Variants in ILRUN observed in about 807,000 individuals in gnomAD.
ILRUN encodes the protein protein ILRUN.
A neutral mutation model predicts 33.8 loss-of-function variants in ILRUN; 3 were observed. The ratio of observed to expected loss-of-function variants is 0.09; its 90% CI spans 0.04 to 0.23. The LOEUF (loss-of-function observed/expected upper bound fraction) is 0.23. Among genes scored for constraint, ILRUN ranks in the 10% least tolerant of loss-of-function variants. ILRUN has a pLI of 1.00. For synonymous variants in ILRUN, 124 were observed against 138.9 expected, an observed-to-expected ratio of 0.89 and a Z score of 0.75; for missense variants, 210 against 375.1, an observed-to-expected ratio of 0.56 and a Z score of 3.64.
intron 1 of ILRUN, among the ~76,000 whole-genome samples, chr6:34,680,549 C>T (rs1031472238): frequency 6.6e-6 from 1 of 152,122 alleles, no homozygotes; most frequent in Non-Finnish European, 1.5e-5. Flanking sequence ...ACTGAAACCT[C>T]TGCCTCCTAG....
chr6:34,656,391 T>A (rs1744399882), intron 1 of ILRUN, among the ~76,000 whole-genome samples: 1 of 152,172 alleles, frequency 6.6e-6, no homozygotes, highest in Non-Finnish European at 1.5e-5. Flanking sequence ...CAGAAGCGCG[T>A]GATTGTCAGC....
intron 2 of ILRUN, among the ~76,000 whole-genome samples, chr6:34,653,438 C>G (rs1326480217): frequency 6.6e-6 from 1 of 152,040 alleles, no homozygotes; most frequent in Non-Finnish European, 1.5e-5. Context: ...GTTGGCCCAA[C>G]TGGTCTCCAA....
At chr6:34,649,512 T>C (rs559582934) in intron 2 of ILRUN, among the ~76,000 whole-genome samples, 2 of 152,102 alleles carry the variant, frequency 1.3e-5, no homozygotes, top group African/African-American at 4.8e-5. Context: ...TCTCCAGATA[T>C]GAAATATCAC....
intron 2 of ILRUN, among the ~76,000 whole-genome samples, chr6:34,653,385 C>G (rs1282760761): frequency 1.3e-5 from 2 of 151,866 alleles, no homozygotes; most frequent in African/African-American, 4.8e-5. Flanking sequence ...TGCCCAACAC[C>G]ATACCCGGTT....
At chr6:34,594,524 T>C (rs1156924861) in intron 4 of ILRUN, among the ~76,000 whole-genome samples, 8 of 152,214 alleles carry the variant, frequency 5.3e-5, no homozygotes, top group African/African-American at 4.8e-5. Context: ...AAAGGCTACA[T>C]TGAACAGCCC....
chr6:34,679,951 A>T (rs1200709547), intron 1 of ILRUN, among the ~76,000 whole-genome samples: 1 of 152,262 alleles, frequency 6.6e-6, no homozygotes, highest in Non-Finnish European at 1.5e-5. Context: ...GAAACTTCAG[A>T]GGGATCATGG....
chr6:34,601,313 GTGTTCTCAC>G (rs1363413171), intron 4 of ILRUN, among the ~76,000 whole-genome samples: 1 of 152,232 alleles, frequency 6.6e-6, no homozygotes, highest in Non-Finnish European at 1.5e-5. Flanking sequence ...TGAGAATAGT[GTGTTCTCAC>G]TACCTGTTCC....
intron 1 of ILRUN, among the ~76,000 whole-genome samples, chr6:34,679,890 T>C (rs1054123358): frequency 4.6e-5 from 7 of 152,156 alleles, no homozygotes; most frequent in Non-Finnish European, 1.0e-4. Context: ...AGGCCAAAGA[T>C]TGGAAGGAGC....
intron 1 of ILRUN, among the ~76,000 whole-genome samples, chr6:34,667,908 T>TA (rs1252845066): frequency 3.3e-5 from 5 of 152,032 alleles, no homozygotes; most frequent in African/African-American, 1.2e-4. Flanking sequence ...GATCCTGCAT[T>TA]AAAAAAAGGA....
intron 3 of ILRUN, among the ~76,000 whole-genome samples, chr6:34,638,588 C>T (rs1217856112): frequency 6.6e-6 from 1 of 151,942 alleles, no homozygotes; most frequent in East Asian, 1.9e-4. Flanking sequence ...GCCTGTGGTC[C>T]CAGCTACTTG....
Position 34,588,089 on chromosome 6 carries a change from A to G in ILRUN, c.*2476T>C. ...ACCCATACCAGTGAGGGGAGAGAGAATGAATGATACTGATACCCTCCCTGG... is the reference window on the plus strand; with the variant it reads ...ACCCATACCAGTGAGGGGAGAGAGAGTGAATGATACTGATACCCTCCCTGG... On this transcript the variant is annotated 3_prime_UTR_variant, in exon 5 of 5. Coordinates refer to ENST00000374023, the MANE Select transcript of ILRUN (RefSeq NM_024294.4). 1 of 398,748 alleles carries G rather than the reference A, an allele frequency of 2.5e-6. No homozygotes were observed. The highest frequency in any genetic ancestry group is 4.4e-6 in the Non-Finnish European group (1 of 226,140). The allele number at this position is 398,748 out of a possible 1,614,324, so 24.7% of individuals were successfully genotyped here. A position where few individuals can be genotyped will look rare whatever the true frequency, so the allele number is the denominator to read the frequency against.
intron 3 of ILRUN, among the ~76,000 whole-genome samples, chr6:34,635,544 A>AAAGGAAGGAAGG (rs571458905): frequency 8.3e-6 from 1 of 120,078 alleles, no homozygotes; most frequent in African/African-American, 3.4e-5. Context: ...AAAAAGAAAG[A>AAAGGAAGGAAGG]AAGGAAGGAA....
chr6:34,610,617 A>G (rs1341358823), intron 3 of ILRUN, among the ~76,000 whole-genome samples: 1 of 152,262 alleles, frequency 6.6e-6, no homozygotes, highest in Non-Finnish European at 1.5e-5. Flanking sequence ...ATGAACTGAT[A>G]TAATGCAAAT....
At chr6:34,651,426 T>C (rs1473839087) in intron 2 of ILRUN, among the ~76,000 whole-genome samples, 1 of 152,070 alleles carries the variant, frequency 6.6e-6, no homozygotes, top group Non-Finnish European at 1.5e-5. Context: ...TTGGGGGTTC[T>C]GATTTGACAG....
Position 34,657,170 on chromosome 6 carries a change from T to C in ILRUN, c.159-2391A>G, listed in dbSNP as rs75041320. ...AAACATTTTGGAAAAGCTGTATGTC[T>C]ACCGTTTTGAAAACAGAATTTTTTT... On this transcript the variant is annotated intron_variant, in intron 1 of 4. Coordinates refer to ENST00000374023, the MANE Select transcript of ILRUN (RefSeq NM_024294.4). 5.3e-5 allele frequency among the ~76,000 whole-genome samples: 8 copies of C among 152,372 alleles called. No homozygotes were observed. The East Asian group carries it at 1.5e-3, about 29-fold the overall frequency.
At chr6:34,658,328 A>G (rs191294925) in intron 1 of ILRUN, among the ~76,000 whole-genome samples, 97 of 150,258 alleles carry the variant, frequency 6.5e-4, no homozygotes, top group Middle Eastern at 3.4e-3. Flanking sequence ...GACCTAGGCA[A>G]CAAAGTGAGA....
rs1763786837 is a variant in ILRUN at position 34,696,681 on chromosome 6, G to A, written c.-78C>T. 3 of 1,503,670 alleles carry A rather than the reference G, an allele frequency of 2.0e-6. No homozygotes were observed. Among genetic ancestry groups the A allele is most frequent in the Admixed American group, 1.9e-5 (1 of 51,616 alleles). 93.1% of individuals were successfully genotyped at this position (1,503,670 alleles called of 1,614,324 possible). A position where few individuals can be genotyped will look rare whatever the true frequency, so the allele number is the denominator to read the frequency against. On this transcript the variant is annotated 5_prime_UTR_variant, in exon 1 of 5. Transcript: ENST00000374023. Reference sequence around the variant, plus strand: ...CGCCGCCGGGCCCGGGGACCTGGAGGGGGGCCGCTGCTAGCTAGCTTCGCG... The same window carrying A: ...CGCCGCCGGGCCCGGGGACCTGGAGAGGGGCCGCTGCTAGCTAGCTTCGCG...
chr6:34,660,316 T>A (rs1562022290), intron 1 of ILRUN, among the ~76,000 whole-genome samples: 1 of 148,618 alleles, frequency 6.7e-6, no homozygotes, highest in African/African-American at 2.5e-5. Context: ...TAAATAAATT[T>A]AAAAAATCAG....
At chr6:34,621,770 G>A (rs951428345) in intron 3 of ILRUN, among the ~76,000 whole-genome samples, 7 of 152,160 alleles carry the variant, frequency 4.6e-5, no homozygotes, top group Middle Eastern at 6.8e-3. Flanking sequence ...GCTGGGGCAG[G>A]AGAATCACTT....
Sources: allele counts gnomAD v4.1 joint callset (sites outside exome capture counted in the v4.1 genomes callset), GRCh38; gene constraint gnomAD v4.1.1; transcripts MANE v1.5; gene names NCBI Gene and HGNC (gene_info 2026-07-23, HGNC 2026-07-21).